Variants in CRACDL observed in about 807,000 individuals in gnomAD.
CRACDL encodes CRACD-like protein.
In CRACDL, 26 loss-of-function variants were observed where a neutral mutation model predicts 70.6. The observed-to-expected ratio is 0.37, with a 90% CI of 0.27 to 0.51. CRACDL has a LOEUF of 0.51. Ranked by LOEUF, CRACDL falls within the 20% of genes least tolerant of loss-of-function variation. The pLI is 0.94. For synonymous variants in CRACDL, 618 were observed against 615.2 expected, an observed-to-expected ratio of 1.00 and a Z score of -0.07; for missense variants, 1,283 against 1,376.9, an observed-to-expected ratio of 0.93 and a Z score of 1.08.
chr2:98,922,686 G>T (rs1477916187), intron 1 of CRACDL, among the ~76,000 whole-genome samples: 1 of 152,122 alleles, frequency 6.6e-6, no homozygotes, highest in Non-Finnish European at 1.5e-5. Context: ...TCACAGGGGA[G>T]CCTAGGCCAA....
Position 98,841,698 on chromosome 2 carries a change from C to T in CRACDL, c.71-3411G>A, listed in dbSNP as rs78742231. Among the ~76,000 whole-genome samples, 66 of 152,108 alleles carry T rather than the reference C, an allele frequency of 4.3e-4. 1 individual carries two copies. In the East Asian group the frequency reaches 0.011, roughly 25 times the overall value. On this transcript the variant is annotated intron_variant, in intron 2 of 9. Coordinates refer to ENST00000397899, the MANE Select transcript of CRACDL (RefSeq NM_207362.3). Reference sequence around the variant, plus strand: ...GGGGCCAACCCAGTTTTTGTTTGTCCGAAAATGCTTTCATTTCTCCATCAC... The same window carrying T: ...GGGGCCAACCCAGTTTTTGTTTGTCTGAAAATGCTTTCATTTCTCCATCAC...
In CRACDL at chr2:98,822,825, G is replaced by A. The variant is rs374346507; in HGVS notation, c.1448C>T (p.Pro483Leu). Residue 483 changes from proline to leucine, a missense_variant, in exon 7 of 10, where the codon CCC becomes CTC. Coordinates refer to ENST00000397899, the MANE Select transcript of CRACDL (RefSeq NM_207362.3). The surrounding 1 kb of genome is among the most constrained non-coding windows in gnomAD (Gnocchi z 4.9). ...CGGGCTCGGGGCGGGCGCCGTGGAGGGCTCGGTCCCAATTCTCTCGGGCTC... is the reference window on the plus strand; with the variant it reads ...CGGGCTCGGGGCGGGCGCCGTGGAGAGCTCGGTCCCAATTCTCTCGGGCTC... ...GTEPERIGTE[P>L]STAPAPSPPA... 9 of 1,405,772 alleles carry A rather than the reference G, an allele frequency of 6.4e-6. No individual in the cohort carries two copies. The highest frequency in any genetic ancestry group is 1.6e-5 in the South Asian group (1 of 61,458). 87.1% of individuals were successfully genotyped at this position (1,405,772 alleles called of 1,614,324 possible). A position where few individuals can be genotyped will look rare whatever the true frequency, so the allele number is the denominator to read the frequency against.
chr2:98,866,776 A>T lies in CRACDL; in HGVS notation c.-10-19966T>A, dbSNP rs570113373. ...CCAAAGTGCTGGGATTACAGGTGTGAGCCACCGTGACCAGCAGAATCACTT... is the reference window on the plus strand; with the variant it reads ...CCAAAGTGCTGGGATTACAGGTGTGTGCCACCGTGACCAGCAGAATCACTT... On this transcript the variant is annotated intron_variant, in intron 1 of 9. Coordinates refer to ENST00000397899, the MANE Select transcript of CRACDL (RefSeq NM_207362.3). Among the ~76,000 whole-genome samples the T allele has an allele frequency of 5.3e-5, 8 of 152,030 alleles. No homozygotes were observed. In the South Asian group the frequency reaches 1.7e-3, roughly 32 times the overall value.
intron 1 of CRACDL, among the ~76,000 whole-genome samples, chr2:98,914,338 C>T (rs1345954073): frequency 6.6e-6 from 1 of 152,194 alleles, no homozygotes; most frequent in Non-Finnish European, 1.5e-5. Context: ...GTTTCCTGGG[C>T]TGGACCCTAC....
intron 1 of CRACDL, among the ~76,000 whole-genome samples, chr2:98,923,231 A>G (rs1573205548): frequency 6.6e-6 from 1 of 150,992 alleles, no homozygotes; most frequent in Non-Finnish European, 1.5e-5. Context: ...AGATCATGAC[A>G]CTGCACTCCA....
At chr2:98,846,179 C>G (rs1042937114) in intron 2 of CRACDL, among the ~76,000 whole-genome samples, 2 of 152,136 alleles carry the variant, frequency 1.3e-5, no homozygotes, top group African/African-American at 2.4e-5. Context: ...ATTTGGATAA[C>G]AGTAAACCAA....
At chr2:98,841,881 T>G (rs1239654115) in intron 2 of CRACDL, among the ~76,000 whole-genome samples, 2 of 152,202 alleles carry the variant, frequency 1.3e-5, no homozygotes, top group African/African-American at 4.8e-5. Context: ...TAGGCTATTA[T>G]TTCCCTGTTT....
intron 7 of CRACDL, among the ~76,000 whole-genome samples, chr2:98,815,577 TAATACG>T: frequency 6.6e-6 from 1 of 152,184 alleles, no homozygotes; most frequent in East Asian, 1.9e-4. Flanking sequence ...CTGTCTGTGC[TAATACG>T]GGGGTATAGC....
chr2:98,911,137 G>A (rs554550962), intron 1 of CRACDL, among the ~76,000 whole-genome samples: 15 of 152,298 alleles, frequency 9.8e-5, no homozygotes, highest in South Asian at 6.2e-4. Flanking sequence ...TCCTGCTCTC[G>A]TCACAGGCAC....
At chr2:98,902,330 G>A (rs1558631818) in intron 1 of CRACDL, among the ~76,000 whole-genome samples, 2 of 152,132 alleles carry the variant, frequency 1.3e-5, no homozygotes, top group East Asian at 3.9e-4. Context: ...CCCGAGTCAG[G>A]CCTCCGGAGA....
chr2:98,855,528 A>G (rs1706664286), intron 1 of CRACDL, among the ~76,000 whole-genome samples: 1 of 152,220 alleles, frequency 6.6e-6, no homozygotes, highest in Non-Finnish European at 1.5e-5. Context: ...ATAAAAAGTT[A>G]TACAAAAGTT....
intron 1 of CRACDL, among the ~76,000 whole-genome samples, chr2:98,875,953 C>A (rs1312862994): frequency 6.6e-6 from 1 of 152,180 alleles, no homozygotes; most frequent in African/African-American, 2.4e-5. Context: ...ACATGGCCTG[C>A]CGGCCTGCTT....
At chr2:98,862,432 C>A (rs1706977566) in intron 1 of CRACDL, among the ~76,000 whole-genome samples, 1 of 151,944 alleles carries the variant, frequency 6.6e-6, no homozygotes, top group African/African-American at 2.4e-5. Flanking sequence ...GGAAAAAAAC[C>A]AACAGAAATG....
intron 1 of CRACDL, among the ~76,000 whole-genome samples, chr2:98,867,000 T>A (rs543559791): frequency 6.6e-6 from 1 of 152,126 alleles, no homozygotes. Flanking sequence ...TAAAGGAATA[T>A]AGAAGCAGAG....
chr2:98,870,930 G>A (rs74745666), intron 1 of CRACDL, among the ~76,000 whole-genome samples: 5,508 of 152,304 alleles, frequency 0.036, 133 homozygotes, highest in Middle Eastern at 0.065. Context: ...CTGAGACAAA[G>A]TCCCCGAAGG....
At chr2:98,902,451 T>TA (rs1483733838) in intron 1 of CRACDL, among the ~76,000 whole-genome samples, 1 of 152,086 alleles carries the variant, frequency 6.6e-6, no homozygotes, top group East Asian at 1.9e-4. Flanking sequence ...ATCTGATCAA[T>TA]ATGAAGTGGG....
rs1370395510 is a variant in CRACDL, at chr2:98,822,502, G to T, written c.1771C>A (p.Leu591Met). The change falls in exon 7 of 10, where the codon CTG (leucine) becomes ATG (methionine). Residue 591 changes from leucine to methionine, a missense_variant. Physicochemically the swap from Leu to Met is conservative, Grantham distance 15. This residue lies in a region of CRACDL where 921 missense variants were observed against 881.9 expected (regional missense o/e 1.04). Transcript: ENST00000397899. The surrounding 1 kb of genome is among the most constrained non-coding windows in gnomAD (Gnocchi z 4.9). ...ARPRPGVSRP[L>M]ERASGRLPLA... ...GGCAGGCGGCCGCTGGCCCGTTCCA[G>T]CGGGCGGGAGACGCCCGGACGAGGC... 1.4e-6 allele frequency: 2 copies of T among 1,457,074 alleles called. No individual in the cohort carries two copies. The highest frequency in any genetic ancestry group is 2.6e-5 in the South Asian group (2 of 75,918). The allele number at this position is 1,457,074 out of a possible 1,614,324, so 90.3% of individuals were successfully genotyped here. A position where few individuals can be genotyped will look rare whatever the true frequency, so the allele number is the denominator to read the frequency against.
chr2:98,848,190 C>T (rs1706338426), intron 1 of CRACDL, among the ~76,000 whole-genome samples: 1 of 152,214 alleles, frequency 6.6e-6, no homozygotes, highest in South Asian at 2.1e-4. Flanking sequence ...CTTTCATCAT[C>T]TGTGTTCACA....
chr2:98,810,402 A>T (rs1158682521), intron 7 of CRACDL, among the ~76,000 whole-genome samples: 2 of 152,174 alleles, frequency 1.3e-5, no homozygotes, highest in Non-Finnish European at 2.9e-5. Flanking sequence ...AGGCAATGCG[A>T]ATTTTTAAAG....
Sources: gnomAD v4.1 joint callset for allele counts (sites outside exome capture counted in the v4.1 genomes callset) on GRCh38, gnomAD v4.1.1 for gene constraint, gnomAD v4.1.1 regional missense constraint, Gnocchi (gnomAD v3.1) non-coding constraint, MANE v1.5 for transcripts, NCBI Gene and HGNC (gene_info 2026-07-23, HGNC 2026-07-21) for gene names.